MMS19: variants seen among roughly 807,000 people sequenced by gnomAD.
MMS19 encodes MMS19 cytosolic iron-sulfur assembly component.
MMS19 carries 77 observed loss-of-function variants against 129.8 expected under a neutral mutation model. The observed-to-expected ratio is 0.59, with a 90% CI of 0.49 to 0.72. MMS19 has a LOEUF of 0.72. Among genes scored for constraint, MMS19 ranks in the 30% least tolerant of loss-of-function variants. The probability of loss-of-function intolerance (pLI) is 0.00; values close to 1 mark genes in which losing one functional copy is unlikely to be tolerated. For missense variants in MMS19, 1,168 were observed against 1,266.3 expected (o/e 0.92, Z 1.18); for synonymous variants, 491 against 502.8 (o/e 0.98, Z 0.31).
chr10:97,478,388 C>T lies in MMS19; in HGVS notation c.264G>A (p.Val88=), dbSNP rs2036152058. 6.2e-7 allele frequency: 1 copy of T among 1,601,802 alleles called. No individual in the cohort carries two copies. The highest frequency in any genetic ancestry group is 1.3e-5 in the African/African-American group (1 of 74,788). ...TCTCATAGAACAGTATCAGGTGTAC[C>T]ACTGCACAAACCAGATTCAGCCATT... The part of the protein sequence containing the change: ...HCHTLLLEKE[V]VHLILFYENR... Residue 88 remains valine (V), a splice_region_variant and synonymous_variant, in exon 4 of 31, where the codon GTG becomes GTA. Coordinates refer to ENST00000438925, the MANE Select transcript of MMS19 (RefSeq NM_022362.5).
intron 23 of MMS19, 37 bp downstream of exon 23, chr10:97,461,458 GA>G: frequency 6.3e-7 from 1 of 1,599,812 alleles, no homozygotes; most frequent in Non-Finnish European, 8.5e-7. Context: ...ATGGGTAGTT[GA>G]TTCTGGGAGG....
chr10:97,464,265 C>G (rs1231226553), intron 18 of MMS19, among the ~76,000 whole-genome samples: 1 of 152,186 alleles, frequency 6.6e-6, no homozygotes, highest in East Asian at 1.9e-4. Flanking sequence ...TCATAACAAC[C>G]TTAGAAGTAT....
At chr10:97,482,728 GTA>G (rs368625323) in intron 2 of MMS19, among the ~76,000 whole-genome samples, 4,143 of 133,268 alleles carry the variant, frequency 0.031, 124 homozygotes, top group South Asian at 0.1. Context: ...GTGTGTGTGT[GTA>G]TATATATACA....
At position 97,465,875 on chromosome 10, in the gene MMS19, T is replaced by C; in HGVS notation, c.1686A>G (p.Val562=). The C allele has an allele frequency of 1.2e-6, 2 of 1,614,000 alleles. No homozygotes were observed. The highest frequency in any genetic ancestry group is 2.2e-5 in the East Asian group (1 of 44,886). The change falls in exon 18 of 31, where the codon GTA becomes GTG. Residue 562 remains valine, a synonymous_variant. Transcript: ENST00000438925. ...CCTTGACGATGCTGGGATGTGTTGA[T>C]ACAGCTGACAAGGCTTGCAGACAGC... ...HLCCLQALSA[V]STHPSIVKET... is the part of the protein sequence containing the mutation.
chr10:97,478,751 A>G (rs1004225086), intron 3 of MMS19, among the ~76,000 whole-genome samples: 1 of 152,224 alleles, frequency 6.6e-6, no homozygotes, highest in Non-Finnish European at 1.5e-5. Context: ...GTTTTAACAA[A>G]AAAGTAGCAT....
Position 97,462,050 on chromosome 10 carries a change from T to G in MMS19, c.2082A>C (p.Glu694Asp). Residue 694 changes from glutamate (E) to aspartate (D), a missense_variant, in exon 21 of 31, where the codon GAA becomes GAC. Coordinates refer to ENST00000438925, the MANE Select transcript of MMS19 (RefSeq NM_022362.5). ...FLDGNVSFLP[E>D]NSFPSRFQPF... ...GCTGGAATCTGCTCGGGAAGCTGTT[T>G]TCAGGCAGAAAGGACACGTTGCCAT... 2 of 1,594,292 alleles carry G rather than the reference T, an allele frequency of 1.3e-6. No individual in the cohort carries two copies. Among genetic ancestry groups the G allele is most frequent in the Non-Finnish European group, 8.5e-7 (1 of 1,170,282 alleles).
At chr10:97,475,297 A>G (rs1407225106) in intron 8 of MMS19, among the ~76,000 whole-genome samples, 1 of 152,184 alleles carries the variant, frequency 6.6e-6, no homozygotes, top group Non-Finnish European at 1.5e-5. Context: ...TTACATATAG[A>G]TGAAAAAGCT....
intron 25 of MMS19, 24 bp from the exon 26 acceptor site, chr10:97,460,256 G>T: frequency 1.2e-6 from 2 of 1,600,624 alleles, no homozygotes; most frequent in Non-Finnish European, 8.5e-7. Context: ...AGCCTTTGAG[G>T]TACATCAGGG....
chr10:97,478,232 C>A, intron 4 of MMS19, 72 bp downstream of exon 4: 3 of 1,252,388 alleles, frequency 2.4e-6, no homozygotes, highest in South Asian at 1.3e-5. Context: ...CCATCACACC[C>A]AAAGCGCAAG....
intron 9 of MMS19, 46 bp downstream of exon 9, chr10:97,470,729 C>G (rs1242682837): frequency 8.2e-7 from 1 of 1,223,916 alleles, no homozygotes; most frequent in Non-Finnish European, 1.2e-6. Context: ...TTCTTCAGAG[C>G]CATCTATGGG....
chr10:97,486,948 T>G (rs928296526), intron 1 of MMS19, among the ~76,000 whole-genome samples: 1 of 142,128 alleles, frequency 7.0e-6, no homozygotes, highest in Non-Finnish European at 1.5e-5. Flanking sequence ...AGGGAGAAGG[T>G]AGCCCTTCCA....
intron 13 of MMS19, 112 bp downstream of exon 13, chr10:97,468,140 G>C (rs1437909408): frequency 2.8e-6 from 3 of 1,087,282 alleles, no homozygotes; most frequent in Non-Finnish European, 3.8e-6. Context: ...GCTAATGGGA[G>C]CAAAACCCAA....
At chr10:97,484,404 GAAAT>G (rs2037442099) in intron 1 of MMS19, among the ~76,000 whole-genome samples, 1 of 151,636 alleles carries the variant, frequency 6.6e-6, no homozygotes, top group Non-Finnish European at 1.5e-5. Flanking sequence ...AAATCCAAGA[GAAAT>G]AAAAAAATCA....
At chr10:97,496,369 G>A (rs1419995659) in intron 1 of MMS19, among the ~76,000 whole-genome samples, 2 of 151,862 alleles carry the variant, frequency 1.3e-5, no homozygotes, top group African/African-American at 2.4e-5. Flanking sequence ...AAAATTAGCC[G>A]AGCGCAGTGG....
At chr10:97,492,382 G>C (rs1409656248) in intron 1 of MMS19, among the ~76,000 whole-genome samples, 3 of 151,816 alleles carry the variant, frequency 2.0e-5, no homozygotes, top group African/African-American at 7.3e-5. Flanking sequence ...GGCTGAGGTA[G>C]GAGAATGGTG....
At chr10:97,469,981 G>A (rs2034346155) in intron 10 of MMS19, 148 bp downstream of exon 10, 3 of 664,190 alleles carry the variant, frequency 4.5e-6, no homozygotes, top group Non-Finnish European at 7.9e-6. Flanking sequence ...ATGCAGCTGG[G>A]GGCTTCAGGT....
At chr10:97,492,343 C>T (rs182446086) in intron 1 of MMS19, among the ~76,000 whole-genome samples, 13 of 151,020 alleles carry the variant, frequency 8.6e-5, no homozygotes, top group Admixed American at 2.6e-4. Flanking sequence ...GGCGTGGTGG[C>T]GGGCGCCTGT....
At chr10:97,472,506 T>C (rs903922034) in intron 8 of MMS19, among the ~76,000 whole-genome samples, 1 of 152,140 alleles carries the variant, frequency 6.6e-6, no homozygotes, top group Non-Finnish European at 1.5e-5. Flanking sequence ...TTTCGAAGTG[T>C]TGAGATTACA....
At chr10:97,479,255 T>A (rs937270165) in intron 3 of MMS19, among the ~76,000 whole-genome samples, 2 of 152,194 alleles carry the variant, frequency 1.3e-5, no homozygotes, top group African/African-American at 4.8e-5. Flanking sequence ...CTCCACTCAT[T>A]GGAGCCGTAT....
Sources: allele counts gnomAD v4.1 joint callset (sites outside exome capture counted in the v4.1 genomes callset), GRCh38; gene constraint gnomAD v4.1.1; transcripts MANE v1.5; gene names NCBI Gene and HGNC (gene_info 2026-07-23, HGNC 2026-07-21).